CNTNAP2: variants seen among roughly 807,000 people sequenced by gnomAD.
CNTNAP2 encodes contactin-associated protein-like 2.
Under a neutral mutation model 155.2 loss-of-function variants are expected in CNTNAP2, and 98 were observed. The observed-to-expected ratio is 0.63, with a 90% CI of 0.54 to 0.75. CNTNAP2 has a LOEUF of 0.75. CNTNAP2 is among the 30% of genes least tolerant of loss of function. The pLI is 0.00. For synonymous variants in CNTNAP2, 651 were observed against 631.2 expected (o/e 1.03, Z -0.47); for missense variants, 1,727 against 1,688.1 (o/e 1.02, Z -0.40).
intron 10 of CNTNAP2, among the ~76,000 whole-genome samples, chr7:147,481,210 G>A (rs1798417297): frequency 1.3e-5 from 2 of 152,202 alleles, no homozygotes; most frequent in South Asian, 4.1e-4. Flanking sequence ...AACGTGCGTT[G>A]ATGATTACCA....
At chr7:147,685,521 A>G (rs993194077) in intron 13 of CNTNAP2, among the ~76,000 whole-genome samples, 1 of 151,990 alleles carries the variant, frequency 6.6e-6, no homozygotes, top group African/African-American at 2.4e-5. Flanking sequence ...TCATTCATTC[A>G]TTCATTCAAA....
chr7:148,162,468 G>A (rs1027455165), intron 17 of CNTNAP2, among the ~76,000 whole-genome samples: 1 of 152,224 alleles, frequency 6.6e-6, no homozygotes, highest in Non-Finnish European at 1.5e-5. Flanking sequence ...GTCAGACTGA[G>A]CTTAGGGAAA....
At chr7:147,401,754 C>G (rs118063288) in intron 10 of CNTNAP2, among the ~76,000 whole-genome samples, 1 of 152,268 alleles carries the variant, frequency 6.6e-6, no homozygotes, top group East Asian at 1.9e-4. Flanking sequence ...AAGTATGGCA[C>G]TTTCCCCTTC....
At chr7:147,597,757 C>T (rs917294116) in intron 12 of CNTNAP2, among the ~76,000 whole-genome samples, 2 of 152,140 alleles carry the variant, frequency 1.3e-5, no homozygotes, top group Admixed American at 1.3e-4. Context: ...GGGCTGGTTG[C>T]GAGTAAGAGT....
At position 146,515,373 on chromosome 7, in the gene CNTNAP2, C is replaced by CT. The variant is rs369303381; in HGVS notation, c.98-258896dup. On this transcript the variant is annotated intron_variant, in intron 1 of 23. Coordinates refer to ENST00000361727, the MANE Select transcript of CNTNAP2 (RefSeq NM_014141.6). ...GTGAGGGGAACTTTTCTGCATAGTG[C>CT]TTGGCATCATGCATACAGAAATGTG... 2.8e-4 allele frequency among the ~76,000 whole-genome samples: 43 copies of CT among 152,188 alleles called. No individual in the cohort carries two copies. The East Asian group carries it at 7.7e-3, about 27-fold the overall frequency.
chr7:146,839,182 C>G (rs1183153661), intron 2 of CNTNAP2, among the ~76,000 whole-genome samples: 1 of 151,836 alleles, frequency 6.6e-6, no homozygotes, highest in African/African-American at 2.4e-5. Flanking sequence ...CTATATACTT[C>G]CCTGTACCTC....
chr7:147,746,984 G>A (rs1473688458), intron 13 of CNTNAP2, among the ~76,000 whole-genome samples: 1 of 152,166 alleles, frequency 6.6e-6, no homozygotes, highest in Non-Finnish European at 1.5e-5. Flanking sequence ...AGATATAAAG[G>A]TATGCAAGTA....
chr7:147,381,826 A>G (rs1182363302), intron 9 of CNTNAP2, among the ~76,000 whole-genome samples: 3 of 152,030 alleles, frequency 2.0e-5, no homozygotes, highest in Admixed American at 1.3e-4. Flanking sequence ...AACATATTTT[A>G]TATATAATGA....
chr7:147,489,380 G>A (rs766276255), intron 11 of CNTNAP2, among the ~76,000 whole-genome samples: 6 of 150,978 alleles, frequency 4.0e-5, no homozygotes, highest in East Asian at 1.9e-4. Flanking sequence ...AGTTTTTGTC[G>A]TTTAAGAACA....
In CNTNAP2 at chr7:146,881,537, C is replaced by A. The variant is rs150729034; in HGVS notation, c.402+41633C>A. On this transcript the variant is annotated intron_variant, in intron 3 of 23. Coordinates refer to ENST00000361727, the MANE Select transcript of CNTNAP2 (RefSeq NM_014141.6). ...TTGGGTGAGGAGGTGGGGGTCAAGA[C>A]CCTGGATTGGGATGAAACTTCAAAT... Among the ~76,000 whole-genome samples the A allele has an allele frequency of 5.4e-3, 822 of 152,032 alleles. 7 individuals are homozygous for A. Among genetic ancestry groups the A allele is most frequent in the African/African-American group, 0.019 (773 of 41,502 alleles).
At chr7:146,545,424 G>A (rs1325252454) in intron 1 of CNTNAP2, among the ~76,000 whole-genome samples, 5 of 151,572 alleles carry the variant, frequency 3.3e-5, no homozygotes, top group African/African-American at 4.8e-5. Flanking sequence ...CACTTGTCAC[G>A]GTGGTTGGCT....
intron 1 of CNTNAP2, among the ~76,000 whole-genome samples, chr7:146,208,323 G>GA (rs542652784): frequency 4.7e-5 from 7 of 148,406 alleles, no homozygotes; most frequent in Admixed American, 1.3e-4. Flanking sequence ...TTCATCCTGT[G>GA]AAAAAAAAAA....
intron 9 of CNTNAP2, among the ~76,000 whole-genome samples, chr7:147,349,968 A>G (rs913140282): frequency 1.3e-5 from 2 of 151,896 alleles, no homozygotes; most frequent in Non-Finnish European, 2.9e-5. Context: ...AGATTATCCC[A>G]CATGCCTGGG....
intron 20 of CNTNAP2, among the ~76,000 whole-genome samples, chr7:148,252,874 G>C (rs1796388272): frequency 6.6e-6 from 1 of 152,068 alleles, no homozygotes; most frequent in South Asian, 2.1e-4. Context: ...AAGCTTGCTG[G>C]CCCAGAGTAG....
At chr7:146,670,024 A>G (rs1800273779) in intron 1 of CNTNAP2, among the ~76,000 whole-genome samples, 1 of 152,162 alleles carries the variant, frequency 6.6e-6, no homozygotes, top group African/African-American at 2.4e-5. Flanking sequence ...AATCTATAAT[A>G]GGCCTTTTAA....
intron 10 of CNTNAP2, among the ~76,000 whole-genome samples, chr7:147,399,067 A>T (rs1796869805): frequency 6.6e-6 from 1 of 152,070 alleles, no homozygotes; most frequent in South Asian, 2.1e-4. Context: ...CAGGGAAAGA[A>T]CATTTGACCC....
intron 1 of CNTNAP2, among the ~76,000 whole-genome samples, chr7:146,461,528 T>A (rs1796637561): frequency 6.6e-6 from 1 of 152,124 alleles, no homozygotes; most frequent in Non-Finnish European, 1.5e-5. Flanking sequence ...TTTGCAAAAA[T>A]CTTTAAATTT....
chr7:146,996,349 A>G (rs1798308401), intron 3 of CNTNAP2, among the ~76,000 whole-genome samples: 1 of 152,112 alleles, frequency 6.6e-6, no homozygotes, highest in Non-Finnish European at 1.5e-5. Flanking sequence ...CAATCTACGA[A>G]CATAAAGTCT....
intron 3 of CNTNAP2, among the ~76,000 whole-genome samples, chr7:146,952,348 A>C (rs1370584946): frequency 6.6e-6 from 1 of 152,198 alleles, no homozygotes; most frequent in African/African-American, 2.4e-5. Context: ...AGTTGGAAGC[A>C]TTCCATTTGA....
Sources: allele counts gnomAD v4.1 joint callset (sites outside exome capture counted in the v4.1 genomes callset), GRCh38; gene constraint gnomAD v4.1.1; transcripts MANE v1.5; gene names NCBI Gene and HGNC (gene_info 2026-07-23, HGNC 2026-07-21).